The following VAT1L variants were observed in gnomAD, a reference collection of about 807,000 sequenced individuals.
The protein encoded by VAT1L is putative NADPH-dependent quinone oxidoreductase VAT1L.
In VAT1L, 34 loss-of-function variants were observed where a neutral mutation model predicts 44.1. The observed-to-expected ratio is 0.77, with a 90% CI of 0.59 to 1.03. The LOEUF (loss-of-function observed/expected upper bound fraction) is 1.03. Among genes scored for constraint, VAT1L ranks in the 50% least tolerant of loss-of-function variants. The pLI is 0.00. For missense variants in VAT1L, 615 were observed against 538.8 expected (o/e 1.14, Z -1.40); for synonymous variants, 253 against 202.2 (o/e 1.25, Z -2.13).
intron 7 of VAT1L, among the ~76,000 whole-genome samples, chr16:77,957,571 A>G (rs1374346614): frequency 6.6e-6 from 1 of 151,958 alleles, no homozygotes; most frequent in Admixed American, 6.6e-5. Context: ...CTAAAAATAC[A>G]AAACTTAGCT....
chr16:77,852,185 G>A (rs920548187), intron 3 of VAT1L, among the ~76,000 whole-genome samples: 2 of 152,200 alleles, frequency 1.3e-5, no homozygotes, highest in Non-Finnish European at 2.9e-5. Flanking sequence ...ATACCATGAG[G>A]TGAAAGTGGA....
In VAT1L at chr16:77,903,734, C is replaced by CTT. The variant is rs552342074; in HGVS notation, c.1077+18951_1077+18952dup. 1.1e-3 allele frequency among the ~76,000 whole-genome samples: 140 copies of CTT among 124,346 alleles called. 2 individuals carry two copies. The highest frequency in any genetic ancestry group is 1.8e-3 in the African/African-American group (58 of 33,082). 81.6% of individuals were successfully genotyped at this position (124,346 alleles called of 152,430 possible). ...AAAGTAATTGCGGTTTCTCTCATTA[C>CTT]TTTTTTTTTTTTTTTTTTTTGAGAC... On this transcript the variant is annotated intron_variant, in intron 7 of 8. Coordinates refer to ENST00000302536, the MANE Select transcript of VAT1L (RefSeq NM_020927.3).
At chr16:77,921,505 T>C (rs1455679326) in intron 7 of VAT1L, among the ~76,000 whole-genome samples, 1 of 152,208 alleles carries the variant, frequency 6.6e-6, no homozygotes, top group East Asian at 1.9e-4. Context: ...CACAGATCCT[T>C]TAATTAGTTA....
At chr16:77,834,101 G>A (rs917529918) in intron 3 of VAT1L, among the ~76,000 whole-genome samples, 13 of 152,110 alleles carry the variant, frequency 8.5e-5, no homozygotes, top group East Asian at 3.9e-4. Context: ...TTCCTGTTGC[G>A]AATCCACAGC....
At chr16:77,905,521 A>G (rs1028409519) in intron 7 of VAT1L, among the ~76,000 whole-genome samples, 2 of 151,980 alleles carry the variant, frequency 1.3e-5, no homozygotes, top group African/African-American at 4.8e-5. Context: ...ATCCATTTTT[A>G]TGTGATTGTT....
chr16:77,855,563 T>G (rs553216231), intron 3 of VAT1L, among the ~76,000 whole-genome samples: 1 of 152,314 alleles, frequency 6.6e-6, no homozygotes, highest in Non-Finnish European at 1.5e-5. Context: ...TTCAGTGGAA[T>G]TGGTGCTCTC....
At chr16:77,833,583 T>C (rs549105484) in intron 3 of VAT1L, among the ~76,000 whole-genome samples, 279 of 152,062 alleles carry the variant, frequency 1.8e-3, no homozygotes, top group Non-Finnish European at 3.1e-3. Flanking sequence ...AAACCCAGTC[T>C]CTACTACAAA....
chr16:77,791,918 A>G (rs1423751134), intron 1 of VAT1L, among the ~76,000 whole-genome samples: 2 of 152,190 alleles, frequency 1.3e-5, no homozygotes, highest in East Asian at 1.9e-4. Flanking sequence ...CCAATTATTC[A>G]TGGAATACTT....
Position 77,788,631 on chromosome 16 carries a change from GCCGCAGCCA to G in VAT1L, c.-34_-26del, listed in dbSNP as rs375722641. The G allele has an allele frequency of 2.2e-4, 341 of 1,538,730 alleles. No individual in the cohort carries two copies. The highest frequency in any genetic ancestry group is 9.4e-4 in the East Asian group (38 of 40,602). On this transcript the variant is annotated 5_prime_UTR_variant, in exon 1 of 9. Transcript: ENST00000302536. ...GGGAGAGGAGCCCCACTCCCCCAGC[GCCGCAGCCA>G]CCGCAGCCACCGCAGCCCGTGCGCC...
intron 7 of VAT1L, among the ~76,000 whole-genome samples, chr16:77,923,140 T>G (rs2017630080): frequency 6.6e-6 from 1 of 152,064 alleles, no homozygotes; most frequent in South Asian, 2.1e-4. Context: ...GGAGGACAAT[T>G]CTGAACATCC....
chr16:77,933,697 G>A (rs1039164777), intron 7 of VAT1L, among the ~76,000 whole-genome samples: 10 of 152,206 alleles, frequency 6.6e-5, no homozygotes, highest in Admixed American at 5.9e-4. Flanking sequence ...AAGCAGAGCT[G>A]GAAGGAGGGG....
chr16:77,829,232 T>C (rs1002533139), intron 3 of VAT1L, among the ~76,000 whole-genome samples: 7 of 152,144 alleles, frequency 4.6e-5, no homozygotes, highest in Admixed American at 6.5e-5. Context: ...GTTTTCAAGA[T>C]CCAAAAGACG....
intron 2 of VAT1L, among the ~76,000 whole-genome samples, chr16:77,818,351 A>G (rs2016390400): frequency 6.6e-6 from 1 of 152,180 alleles, no homozygotes; most frequent in Admixed American, 6.5e-5. Flanking sequence ...TGGTTTTCAG[A>G]TAAGACAGCA....
intron 3 of VAT1L, among the ~76,000 whole-genome samples, chr16:77,845,991 T>A (rs539409124): frequency 5.3e-5 from 8 of 152,180 alleles, no homozygotes; most frequent in Non-Finnish European, 1.0e-4. Flanking sequence ...CTTCCTGTGC[T>A]AGAGGGGTCT....
At chr16:77,794,394 C>G (rs1276397753) in intron 1 of VAT1L, among the ~76,000 whole-genome samples, 1 of 152,194 alleles carries the variant, frequency 6.6e-6, no homozygotes, top group African/African-American at 2.4e-5. Flanking sequence ...GATGGAGTTA[C>G]TATGACTGTT....
chr16:77,790,646 T>C (rs1369120567), intron 1 of VAT1L, among the ~76,000 whole-genome samples: 2 of 152,230 alleles, frequency 1.3e-5, no homozygotes, highest in African/African-American at 4.8e-5. Context: ...CATATACATA[T>C]ATACAATTAT....
At position 77,795,626 on chromosome 16, in the gene VAT1L, A is replaced by G. The variant is rs180699547; in HGVS notation, c.233+6711A>G. Among the ~76,000 whole-genome samples, 441 of 152,208 alleles carry G rather than the reference A, an allele frequency of 2.9e-3. 1 individual carries two copies. Among genetic ancestry groups the G allele is most frequent in the African/African-American group, 0.01 (421 of 41,546 alleles). ...AATGAAGGTGGATGGGTCAATTCAGAAAAGATTCATTCATTCCACCAAGTT... is the reference window on the plus strand; with the variant it reads ...AATGAAGGTGGATGGGTCAATTCAGGAAAGATTCATTCATTCCACCAAGTT... On this transcript the variant is annotated intron_variant, in intron 1 of 8. Coordinates refer to ENST00000302536, the MANE Select transcript of VAT1L (RefSeq NM_020927.3).
At chr16:77,808,214 G>GA (rs1387746058) in intron 1 of VAT1L, among the ~76,000 whole-genome samples, 1 of 152,102 alleles carries the variant, frequency 6.6e-6, no homozygotes, top group African/African-American at 2.4e-5. Flanking sequence ...ATAGGAGCAT[G>GA]AACCCTATTG....
At chr16:77,936,902 T>TTTG (rs2017805772) in intron 7 of VAT1L, among the ~76,000 whole-genome samples, 1 of 100,152 alleles carries the variant, frequency 1.0e-5, no homozygotes, top group Non-Finnish European at 2.1e-5. Flanking sequence ...TTGTTTGTTT[T>TTTG]TGAGACGGAG....
Sources: allele counts gnomAD v4.1 joint callset (sites outside exome capture counted in the v4.1 genomes callset), GRCh38; gene constraint gnomAD v4.1.1; transcripts MANE v1.5; gene names NCBI Gene and HGNC (gene_info 2026-07-23, HGNC 2026-07-21).